The following ACAP2 variants were observed in gnomAD, a reference collection of about 807,000 sequenced individuals.
ACAP2 encodes the protein arf-GAP with coiled-coil, ANK repeat and PH domain-containing protein 2.
ACAP2 carries 39 observed loss-of-function variants against 115.8 expected under a neutral mutation model. That is an observed-to-expected ratio of 0.34 (90% CI 0.26 to 0.44). The LOEUF is 0.44. Ranked by LOEUF, ACAP2 falls within the 20% of genes least tolerant of loss-of-function variation. The probability of loss-of-function intolerance (pLI) is 1.00; values close to 1 mark genes in which losing one functional copy is unlikely to be tolerated. For missense variants in ACAP2, 662 were observed against 927.6 expected, an observed-to-expected ratio of 0.71 and a Z score of 3.72; for synonymous variants, 289 against 315.8, an observed-to-expected ratio of 0.92 and a Z score of 0.90.
intron 4 of ACAP2, among the ~76,000 whole-genome samples, chr3:195,361,743 T>C (rs1732387004): frequency 6.6e-6 from 1 of 151,944 alleles, no homozygotes; most frequent in Non-Finnish European, 1.5e-5. Context: ...AAACAAAAAG[T>C]TGGTTTTTCA....
At chr3:195,291,862 A>C (rs772029419) in intron 19 of ACAP2, 47 bp from the exon 20 acceptor site, 1 of 1,490,810 alleles carries the variant, frequency 6.7e-7, no homozygotes, top group Admixed American at 2.1e-5. Flanking sequence ...AAATAACAAG[A>C]AACAACAATA....
chr3:195,289,383 C>T, intron 20 of ACAP2, 152 bp from the exon 21 acceptor site: 1 of 645,166 alleles, frequency 1.5e-6, no homozygotes, highest in South Asian at 1.8e-5. Flanking sequence ...ACTCTACTAA[C>T]AAAAACTTAC....
chr3:195,335,936 T>C (rs1730476812), intron 7 of ACAP2: 1 of 144,422 alleles, frequency 6.9e-6, no homozygotes, highest in South Asian at 2.3e-4. Context: ...GTTTCACTCT[T>C]GTCACCTAGG....
chr3:195,357,933 A>C (rs60100329), intron 4 of ACAP2: 40,281 of 152,212 alleles, frequency 0.26, 6,044 homozygotes, highest in East Asian at 0.71. Context: ...AGGAATTACC[A>C]AACACTTACA....
In ACAP2 at chr3:195,301,178, C is replaced by T. The variant is rs977454282; in HGVS notation, c.1395+397G>A. On this transcript the variant is annotated intron_variant, in intron 15 of 22. Transcript: ENST00000326793. ...TCGGCTCACTGCAAGCTCTGCCTCC[C>T]GGGTTCACGCCATTCTCCTGCCTCA... is the stretch of plus-strand genomic sequence containing the variant. 2.0e-5 allele frequency among the ~76,000 whole-genome samples: 3 copies of T among 152,028 alleles called. No individual in the cohort carries two copies. In the East Asian group the frequency reaches 5.8e-4, roughly 29 times the overall value.
intron 4 of ACAP2, among the ~76,000 whole-genome samples, chr3:195,354,430 T>C (rs758626364): frequency 6.6e-6 from 1 of 152,208 alleles, no homozygotes; most frequent in Non-Finnish European, 1.5e-5. Flanking sequence ...TCTCCAATGA[T>C]CAGTGATGTT....
chr3:195,306,883 TATAA>T (rs890915970), intron 12 of ACAP2: 3 of 295,142 alleles, frequency 1.0e-5, no homozygotes, highest in African/African-American at 7.0e-5. Flanking sequence ...AAATTTACCA[TATAA>T]ATATAGAAAC....
intron 6 of ACAP2, among the ~76,000 whole-genome samples, chr3:195,337,822 G>A (rs1192737524): frequency 1.3e-5 from 2 of 151,382 alleles, no homozygotes; most frequent in Non-Finnish European, 2.9e-5. Context: ...GGCCGGCAAG[G>A]CCCAGTGTGA....
chr3:195,306,656 T>G (rs377366530), intron 12 of ACAP2, 40 bp from the exon 13 acceptor site: 1 of 1,477,464 alleles, frequency 6.8e-7, no homozygotes, highest in African/African-American at 1.4e-5. Flanking sequence ...GACACTAAGT[T>G]AATGCCAAAA....
At chr3:195,401,461 T>C in intron 1 of ACAP2, among the ~76,000 whole-genome samples, 1 of 152,082 alleles carries the variant, frequency 6.6e-6, no homozygotes, top group Non-Finnish European at 1.5e-5. Context: ...GGTCAGGAGT[T>C]TGAGACCAGT....
At chr3:195,379,083 C>A (rs757242610) in intron 4 of ACAP2, among the ~76,000 whole-genome samples, 4 of 151,896 alleles carry the variant, frequency 2.6e-5, no homozygotes, top group Non-Finnish European at 4.4e-5. Context: ...AGAAAACTTT[C>A]TTATTAAAGA....
intron 10 of ACAP2, among the ~76,000 whole-genome samples, chr3:195,309,165 G>C (rs1728599314): frequency 6.6e-6 from 1 of 152,124 alleles, no homozygotes; most frequent in Non-Finnish European, 1.5e-5. Flanking sequence ...AGCTTTTGAG[G>C]TTCCTCAAAA....
At position 195,308,851 on chromosome 3, in the gene ACAP2, A is replaced by T; in HGVS notation, c.858-14T>A. On this transcript the variant is annotated splice_polypyrimidine_tract_variant and intron_variant, in intron 10 of 22. Transcript: ENST00000326793. Reference sequence around the variant, plus strand: ...GAAAACCAGCGCCTACAGAAACACAAAATAGATTAAGTTTTCATAAACATA... The same window carrying T: ...GAAAACCAGCGCCTACAGAAACACATAATAGATTAAGTTTTCATAAACATA... The T allele has an allele frequency of 6.3e-7, 1 of 1,595,784 alleles. No individual in the cohort carries two copies. Among genetic ancestry groups the T allele is most frequent in the Non-Finnish European group, 8.5e-7 (1 of 1,173,212 alleles).
intron 1 of ACAP2, 82 bp downstream of exon 1, chr3:195,442,713 T>C: frequency 1.4e-6 from 2 of 1,439,918 alleles, no homozygotes; most frequent in Non-Finnish European, 1.9e-6. Flanking sequence ...CGGGGCCTCC[T>C]CCGGGTGCGC....
intron 1 of ACAP2, among the ~76,000 whole-genome samples, chr3:195,398,637 C>CTAAATAAATAAATAAATAAA (rs55788907): frequency 9.8e-5 from 14 of 142,848 alleles, no homozygotes; most frequent in East Asian, 2.1e-4. Flanking sequence ...AACTCCAACT[C>CTAAATAAATAAATAAATAAA]TAAATAAATA....
chr3:195,335,575 T>A (rs1730447178), intron 7 of ACAP2, among the ~76,000 whole-genome samples: 1 of 152,182 alleles, frequency 6.6e-6, no homozygotes, highest in Non-Finnish European at 1.5e-5. Flanking sequence ...CTAAGTAGTT[T>A]TTATTTTTCT....
At chr3:195,328,600 G>T (rs1412922128) in intron 8 of ACAP2, among the ~76,000 whole-genome samples, 2 of 152,198 alleles carry the variant, frequency 1.3e-5, no homozygotes, top group African/African-American at 4.8e-5. Context: ...TTCTTAAGCG[G>T]AATGAGTGGA....
intron 11 of ACAP2, 40 bp from the exon 12 acceptor site, chr3:195,307,363 G>A (rs1210252778): frequency 7.9e-7 from 1 of 1,260,416 alleles, no homozygotes; most frequent in Non-Finnish European, 1.1e-6. Flanking sequence ...TTTCCACTTA[G>A]GTTTTAATAC....
chr3:195,346,885 T>C (rs1038288962), intron 4 of ACAP2, among the ~76,000 whole-genome samples: 25 of 152,150 alleles, frequency 1.6e-4, no homozygotes, highest in African/African-American at 5.6e-4. Flanking sequence ...TTTTGCTAAG[T>C]GAAACAAAAT....
Sources: allele counts gnomAD v4.1 joint callset (sites outside exome capture counted in the v4.1 genomes callset), GRCh38; gene constraint gnomAD v4.1.1; transcripts MANE v1.5; gene names NCBI Gene and HGNC (gene_info 2026-07-23, HGNC 2026-07-21).